EPHA8: variants seen among roughly 807,000 people sequenced by gnomAD.
EPHA8 encodes ephrin type-A receptor 8.
A neutral mutation model predicts 103.6 loss-of-function variants in EPHA8; 58 were observed. The observed-to-expected ratio is 0.56, with a 90% confidence interval of 0.45 to 0.70. EPHA8 has a LOEUF of 0.70. Among genes scored for constraint, EPHA8 ranks in the 30% least tolerant of loss-of-function variants. The probability of loss-of-function intolerance (pLI) is 0.00; values close to 1 mark genes in which losing one functional copy is unlikely to be tolerated. For synonymous variants in EPHA8, 559 were observed against 572.5 expected (o/e 0.98, Z 0.34); for missense variants, 1,304 against 1,395.2 (o/e 0.93, Z 1.04).
rs116929383 is a variant in EPHA8, at chr1:22,584,734, C to T, written c.824-1746C>T. 1.8e-3 allele frequency among the ~76,000 whole-genome samples: 271 copies of T among 152,206 alleles called. 3 individuals carry two copies. The East Asian group carries it at 0.025, about 14-fold the overall frequency. ...AGCCGGGAGCTGCCTGGCTGGGTGG[C>T]ATTTGGCCCACCTGAACCTCTGGGG... On this transcript the variant is annotated intron_variant, in intron 3 of 16. Coordinates refer to ENST00000166244, the MANE Select transcript of EPHA8 (RefSeq NM_020526.5).
intron 7 of EPHA8, 64 bp downstream of exon 7, chr1:22,593,750 G>T: frequency 1.4e-6 from 2 of 1,461,106 alleles, no homozygotes; most frequent in South Asian, 2.8e-5. Context: ...GGGTCGGGGG[G>T]TGGCCGAGGA....
chr1:22,586,780 T>TG lies in EPHA8; in HGVS notation c.979+153dup, dbSNP rs60727050. 2.8e-3 allele frequency: 2,584 copies of TG among 919,352 alleles called. 2 individuals are homozygous for TG. The highest frequency in any genetic ancestry group is 9.2e-3 in the South Asian group (491 of 53,128). 56.9% of individuals were successfully genotyped at this position (919,352 alleles called of 1,614,324 possible). On this transcript the variant is annotated intron_variant, in intron 4 of 16. Transcript: ENST00000166244. ...TCTTGAGCCAGAGGCCAGTCTGAGGTGGGGGGGGTGACTCTGATCCCTCCA... is the reference window on the plus strand; with the variant it reads ...TCTTGAGCCAGAGGCCAGTCTGAGGTGGGGGGGGGTGACTCTGATCCCTCCA...
rs1190728772 is a variant in EPHA8 at position 22,576,891 on chromosome 1, C to T, written c.823+11C>T. The T allele has an allele frequency of 5.1e-6, 8 of 1,568,984 alleles. No individual in the cohort carries two copies. Among genetic ancestry groups the T allele is most frequent in the Middle Eastern group, 2.3e-4 (1 of 4,324 alleles). Reference sequence around the variant, plus strand: ...GGGATGCCTGTGTGGGTGAGCGCGCCATGGCCTGGGCATGGGTCAGCCGGC... The same window carrying T: ...GGGATGCCTGTGTGGGTGAGCGCGCTATGGCCTGGGCATGGGTCAGCCGGC... On this transcript the variant is annotated intron_variant, in intron 3 of 16. Coordinates refer to ENST00000166244, the MANE Select transcript of EPHA8 (RefSeq NM_020526.5). This position sits in a 1 kb window ranked among gnomAD's most constrained non-coding sequence, Gnocchi z 4.8.
In EPHA8 at chr1:22,567,495, C is replaced by T. The variant is rs1247744986; in HGVS notation, c.95-1794C>T. On this transcript the variant is annotated intron_variant, in intron 1 of 16. Transcript: ENST00000166244. This position sits in a 1 kb window ranked among gnomAD's most constrained non-coding sequence, Gnocchi z 4.2. The stretch of plus-strand genomic sequence containing the variant: ...GGGGAGGTCCCTCTGCGGACATTCG[C>T]TGTGTCCCCTGATCCCAAGTGGCCC... Among the ~76,000 whole-genome samples, 2 of 152,088 alleles carry T rather than the reference C, an allele frequency of 1.3e-5. No individual in the cohort carries two copies. The highest frequency in any genetic ancestry group is 1.3e-4 in the Admixed American group (2 of 15,272).
chr1:22,601,423 C>T lies in EPHA8; in HGVS notation c.2853C>T (p.Phe951=), dbSNP rs955103893. 17 of 1,610,934 alleles carry T rather than the reference C, an allele frequency of 1.1e-5. No individual in the cohort carries two copies. Among genetic ancestry groups the T allele is most frequent in the African/African-American group, 6.7e-5 (5 of 74,914 alleles). Residue 951 remains phenylalanine, a synonymous_variant, in exon 16 of 17, where the codon TTC becomes TTT. Transcript: ENST00000166244. Reference sequence around the variant, plus strand: ...GCATGGGCCGGTACCGAGACCACTTCGCTGCGGGCGGATACTCCTCTCTGG... The same window carrying T: ...GCATGGGCCGGTACCGAGACCACTTTGCTGCGGGCGGATACTCCTCTCTGG... ...SIRMGRYRDH[F]AAGGYSSLGM...
intron 8 of EPHA8, among the ~76,000 whole-genome samples, chr1:22,595,867 G>T (rs1260074732): frequency 6.6e-6 from 1 of 152,260 alleles, no homozygotes; most frequent in Admixed American, 6.5e-5. Context: ...AAGAGGGTCA[G>T]GTGGACTTGA....
chr1:22,566,505 C>T (rs1410216057), intron 1 of EPHA8, among the ~76,000 whole-genome samples: 3 of 152,140 alleles, frequency 2.0e-5, no homozygotes, highest in Non-Finnish European at 4.4e-5. Flanking sequence ...CAGAACAGCC[C>T]GGGCAGATAG....
In EPHA8 at chr1:22,598,987, G is replaced by T. The variant is rs55825615; in HGVS notation, c.2328G>T (p.Val776=). Residue 776 remains valine, a synonymous_variant, in exon 13 of 17, where the codon GTG becomes GTT. Coordinates refer to ENST00000166244, the MANE Select transcript of EPHA8 (RefSeq NM_020526.5). The surrounding 1 kb of genome is among the most constrained non-coding windows in gnomAD (Gnocchi z 5.1). ...VLVDSNLVCK[V]SDFGLSRVLE... ...TTGACAGCAACCTGGTCTGCAAGGTGTCTGACTTCGGGCTCTCACGGGTGC... is the reference window on the plus strand; with the variant it reads ...TTGACAGCAACCTGGTCTGCAAGGTTTCTGACTTCGGGCTCTCACGGGTGC... The T allele has an allele frequency of 6.8e-6, 11 of 1,611,996 alleles. No homozygotes were observed. The highest frequency in any genetic ancestry group is 4.5e-5 in the East Asian group (2 of 44,842).
intron 13 of EPHA8, 134 bp from the exon 14 acceptor site, chr1:22,600,527 C>T (rs893561704): frequency 1.5e-5 from 19 of 1,247,466 alleles, no homozygotes; most frequent in Non-Finnish European, 2.1e-5. Context: ...GACAGGTGCT[C>T]TGGGACGGTG....
chr1:22,579,102 T>C (rs919917473), intron 3 of EPHA8, among the ~76,000 whole-genome samples: 55 of 131,662 alleles, frequency 4.2e-4, no homozygotes, highest in African/African-American at 1.6e-3. Context: ...TGTGCATGTG[T>C]ATGTGTGCAT....
At position 22,599,637 on chromosome 1, in the gene EPHA8, G is replaced by A. The variant is rs1196073720; in HGVS notation, c.2388+590G>A. Among the ~76,000 whole-genome samples, 31 of 87,826 alleles carry A rather than the reference G, an allele frequency of 3.5e-4. No homozygotes were observed. The East Asian group carries it at 7.4e-3, about 21-fold the overall frequency. The allele number at this position is 87,826 out of a possible 152,430, so 57.6% of individuals were successfully genotyped here. On this transcript the variant is annotated intron_variant, in intron 13 of 16. Coordinates refer to ENST00000166244, the MANE Select transcript of EPHA8 (RefSeq NM_020526.5). ...AGGGAGGAAGAAGGGAAGGAAGGAA[G>A]GGAGGGAGGGAAGGAAGGAAAGGAG...
At position 22,601,919 on chromosome 1, in the gene EPHA8, G is replaced by C. The variant is rs1300460760; in HGVS notation, c.*178G>C. The C allele has an allele frequency of 5.9e-6, 4 of 678,154 alleles. No individual in the cohort carries two copies. The African/African-American group carries it at 7.5e-5, about 13-fold the overall frequency. The allele number at this position is 678,154 out of a possible 1,614,324, so 42.0% of individuals were successfully genotyped here. ...GAGTTATCAGGGGTCAGGCGCCTGG[G>C]AAGGGGCCTTTGGTGGCCACCCTGG... is the stretch of plus-strand genomic sequence containing the variant. On this transcript the variant is annotated 3_prime_UTR_variant, in exon 17 of 17. Coordinates refer to ENST00000166244, the MANE Select transcript of EPHA8 (RefSeq NM_020526.5).
intron 5 of EPHA8, 138 bp from the exon 6 acceptor site, chr1:22,593,188 T>C (rs1408026944): frequency 1.5e-6 from 2 of 1,312,364 alleles, no homozygotes; most frequent in East Asian, 2.5e-5. Flanking sequence ...GGGTGCTGGC[T>C]GTCCTGGGGC....
In EPHA8 at chr1:22,571,526, A is replaced by C. The variant is rs2124513474; in HGVS notation, c.159+2173A>C. Among the ~76,000 whole-genome samples the C allele has an allele frequency of 1.3e-5, 2 of 152,226 alleles. 1 individual carries two copies. The highest frequency in any genetic ancestry group is 4.1e-4 in the South Asian group (2 of 4,824). On this transcript the variant is annotated intron_variant, in intron 2 of 16. Transcript: ENST00000166244. ...TGCAGGCAGCGAGGCCTACTCTGTGACCATTTCATGAGATGGGGAGGCAAG... is the reference window on the plus strand; with the variant it reads ...TGCAGGCAGCGAGGCCTACTCTGTGCCCATTTCATGAGATGGGGAGGCAAG...
Position 22,589,336 on chromosome 1 carries a change from C to T in EPHA8, c.1315+130C>T. ...AGGCAAGTGCCTCTCTGGCCCTGCG[C>T]TCCTCACCAGGACCCAGAGCTGGAG... On this transcript the variant is annotated intron_variant, in intron 5 of 16. Transcript: ENST00000166244. This position sits in a 1 kb window ranked among gnomAD's most constrained non-coding sequence, Gnocchi z 4.3. 6.2e-7 allele frequency: 1 copy of T among 1,604,494 alleles called. No individual in the cohort carries two copies. Among genetic ancestry groups the T allele is most frequent in the Non-Finnish European group, 8.5e-7 (1 of 1,176,554 alleles).
chr1:22,569,603 T>C lies in EPHA8; in HGVS notation c.159+250T>C, dbSNP rs1640465804. Among the ~76,000 whole-genome samples the C allele has an allele frequency of 6.6e-6, 1 of 152,122 alleles. No homozygotes were observed. Among genetic ancestry groups the C allele is most frequent in the African/African-American group, 2.4e-5 (1 of 41,430 alleles). On this transcript the variant is annotated intron_variant, in intron 2 of 16. Coordinates refer to ENST00000166244, the MANE Select transcript of EPHA8 (RefSeq NM_020526.5). The surrounding 1 kb of genome is among the most constrained non-coding windows in gnomAD (Gnocchi z 4.5). The stretch of plus-strand genomic sequence containing the variant: ...AAGTCTGAGGCCCTAGGTCCGGGGA[T>C]CCCCATGGCTGCATCCTACAGATTC...
At chr1:22,595,039 G>A (rs993207871) in intron 7 of EPHA8, among the ~76,000 whole-genome samples, 191 bp from the exon 8 acceptor site, 2 of 152,206 alleles carry the variant, frequency 1.3e-5, no homozygotes, top group Admixed American at 6.5e-5. Flanking sequence ...AACTTGAAGA[G>A]GAAGCTTAGT....
rs1237829848 is a variant in EPHA8, at chr1:22,567,379, C to T, written c.95-1910C>T. Among the ~76,000 whole-genome samples the T allele has an allele frequency of 6.6e-6, 1 of 152,194 alleles. No individual in the cohort carries two copies. Among genetic ancestry groups the T allele is most frequent in the African/African-American group, 2.4e-5 (1 of 41,448 alleles). ...CAGCAGGAGGAGAGAGCTTGCCTGA[C>T]CCAGTTTTCTCTACATTGCCTGAGA... is the stretch of plus-strand genomic sequence containing the variant. On this transcript the variant is annotated intron_variant, in intron 1 of 16. Transcript: ENST00000166244. This position sits in a 1 kb window ranked among gnomAD's most constrained non-coding sequence, Gnocchi z 4.2.
At position 22,601,963 on chromosome 1, in the gene EPHA8, A is replaced by G. The variant is rs1344328254; in HGVS notation, c.*222A>G. 1.0e-5 allele frequency: 6 copies of G among 586,928 alleles called. No homozygotes were observed. The highest frequency in any genetic ancestry group is 1.9e-5 in the African/African-American group (1 of 51,590). The allele number at this position is 586,928 out of a possible 1,614,324, so 36.4% of individuals were successfully genotyped here. On this transcript the variant is annotated 3_prime_UTR_variant, in exon 17 of 17. Coordinates refer to ENST00000166244, the MANE Select transcript of EPHA8 (RefSeq NM_020526.5). ...ACCCTGGTGAGGACACCTGTCCCCCAGGGCAGGCACCTTCTCTTTTCCAGA... is the reference window on the plus strand; with the variant it reads ...ACCCTGGTGAGGACACCTGTCCCCCGGGGCAGGCACCTTCTCTTTTCCAGA...
Sources: gnomAD v4.1 joint callset for allele counts (sites outside exome capture counted in the v4.1 genomes callset) on GRCh38, gnomAD v4.1.1 for gene constraint, Gnocchi (gnomAD v3.1) non-coding constraint, MANE v1.5 for transcripts, NCBI Gene and HGNC (gene_info 2026-07-23, HGNC 2026-07-21) for gene names.